The following RAD21L1 variants were observed in gnomAD, a reference collection of about 807,000 sequenced individuals.
RAD21L1 encodes RAD21 cohesin complex component like 1, also known as double-strand-break repair protein rad21-like protein 1.
A neutral mutation model predicts 69.0 loss-of-function variants in RAD21L1; 47 were observed. That is an observed-to-expected ratio of 0.68 (90% CI 0.54 to 0.87). The LOEUF (loss-of-function observed/expected upper bound fraction) is 0.87, where lower values mean the gene tolerates loss of function less well. Among genes scored for constraint, RAD21L1 ranks in the 40% least tolerant of loss-of-function variants. The pLI is 0.00. For missense variants in RAD21L1, 583 were observed against 647.6 expected (o/e 0.90, Z 1.08); for synonymous variants, 177 against 205.8 (o/e 0.86, Z 1.20).
intron 11 of RAD21L1, among the ~76,000 whole-genome samples, chr20:1,245,818 A>G (rs1231767708): frequency 6.6e-6 from 1 of 151,768 alleles, no homozygotes; most frequent in African/African-American, 2.4e-5. Flanking sequence ...CTTATTGCAG[A>G]TCTCTTTCCT....
rs770561491 is a variant in RAD21L1, at chr20:1,242,670, T to C, written c.908T>C (p.Ile303Thr). 1.7e-5 allele frequency: 26 copies of C among 1,551,510 alleles called. No homozygotes were observed. The highest frequency in any genetic ancestry group is 2.1e-5 in the Non-Finnish European group (24 of 1,146,910). Residue 303 changes from isoleucine to threonine, a missense_variant, in exon 9 of 14, where the codon ATC (isoleucine) becomes ACC (threonine). Transcript: ENST00000683101. ...GKKRRLLIDP[I>T]KELSSKVIHK... ...AAGAGGAGATTGCTCATAGATCCTATCAAGGAGCTCAGTAGCAAAGTTATA... is the reference window on the plus strand; with the variant it reads ...AAGAGGAGATTGCTCATAGATCCTACCAAGGAGCTCAGTAGCAAAGTTATA...
chr20:1,240,184 G>T, intron 7 of RAD21L1, 137 bp from the exon 8 acceptor site: 4 of 1,367,472 alleles, frequency 2.9e-6, no homozygotes, highest in Non-Finnish European at 1.9e-6. Context: ...TAAATAAATG[G>T]TTCTAAGAAT....
At position 1,229,889 on chromosome 20, in the gene RAD21L1, G is replaced by C; in HGVS notation, c.154G>C (p.Ala52Pro). ...EKILSPKVKIALRTSGHLLLG... is the reference protein window; with the variant it reads ...EKILSPKVKIPLRTSGHLLLG... ...CAAAAATTATTGAAAGGTGAAAATA[G>C]CACTTCGAACTTCAGGACACCTTCT... The change falls in exon 3 of 14, where the codon GCA becomes CCA. Residue 52 changes from alanine (A) to proline (P), a missense_variant. Physicochemically the swap from Ala to Pro is conservative, Grantham distance 27. Transcript: ENST00000683101. 6.5e-7 allele frequency: 1 copy of C among 1,547,202 alleles called. No homozygotes were observed.
rs1174195289 is a variant in RAD21L1, at chr20:1,254,532, T to G, written c.*75T>G. On this transcript the variant is annotated 3_prime_UTR_variant, in exon 14 of 14. Transcript: ENST00000683101. ...ATTGTTCAATTTAATGCAGAAGCCA[T>G]CTGGAAGCAGCTGAAGGTCTGATCC... The G allele has an allele frequency of 9.5e-7, 1 of 1,057,358 alleles. No individual in the cohort carries two copies. The highest frequency in any genetic ancestry group is 1.3e-6 in the Non-Finnish European group (1 of 774,096). The allele number at this position is 1,057,358 out of a possible 1,614,324, so 65.5% of individuals were successfully genotyped here. A position where few individuals can be genotyped will look rare whatever the true frequency, so the allele number is the denominator to read the frequency against.
rs532506223 is a variant in RAD21L1, at chr20:1,241,730, T to G, written c.857-889T>G. 2.0e-5 allele frequency among the ~76,000 whole-genome samples: 3 copies of G among 152,302 alleles called. No homozygotes were observed. The East Asian group carries it at 5.8e-4, about 29-fold the overall frequency. On this transcript the variant is annotated intron_variant, in intron 8 of 13. Transcript: ENST00000683101. ...ATCATCACATAGCCAACCTCTCCAGTATCTTGTCTTGTTCCTGGGATTTTA... is the reference window on the plus strand; with the variant it reads ...ATCATCACATAGCCAACCTCTCCAGGATCTTGTCTTGTTCCTGGGATTTTA...
At chr20:1,230,909 T>A (rs994521857) in intron 3 of RAD21L1, 18 of 174,630 alleles carry the variant, frequency 1.0e-4, no homozygotes, top group Non-Finnish European at 2.0e-4. Context: ...TCCTTTTCAG[T>A]CAGGTGAGGA....
At chr20:1,248,484 A>G (rs1165761259) in intron 12 of RAD21L1, 142 bp from the exon 13 acceptor site, 2 of 495,760 alleles carry the variant, frequency 4.0e-6, no homozygotes, top group Non-Finnish European at 7.2e-6. Flanking sequence ...CTTTTTATAA[A>G]TAATAAAGAT....
rs1460455948 is a variant in RAD21L1, at chr20:1,246,818, A to T, written c.1401+513A>T. ...ACATGTCAATAGCAAAGACAGAAGT[A>T]AAGTCTGATTTCCCTGACTCCCTGC... On this transcript the variant is annotated intron_variant, in intron 12 of 13. Transcript: ENST00000683101. The surrounding 1 kb of genome is among the most constrained non-coding windows in gnomAD (Gnocchi z 4.6). Among the ~76,000 whole-genome samples, 2 of 152,206 alleles carry T rather than the reference A, an allele frequency of 1.3e-5. No homozygotes were observed. Among genetic ancestry groups the T allele is most frequent in the African/African-American group, 4.8e-5 (2 of 41,468 alleles).
intron 11 of RAD21L1, 24 bp downstream of exon 11, chr20:1,244,194 A>G: frequency 6.8e-7 from 1 of 1,477,022 alleles, no homozygotes; most frequent in Non-Finnish European, 9.2e-7. Context: ...AGAGAATCGT[A>G]AAAATATTTT....
intron 7 of RAD21L1, 129 bp from the exon 8 acceptor site, chr20:1,240,192 A>G: frequency 2.9e-6 from 4 of 1,380,292 alleles, no homozygotes; most frequent in Non-Finnish European, 3.7e-6. Flanking sequence ...TGGTTCTAAG[A>G]ATTCAGATGT....
Position 1,246,114 on chromosome 20 carries a change from G to A in RAD21L1, c.1309-99G>A. 1.9e-6 allele frequency: 1 copy of A among 525,108 alleles called. No individual in the cohort carries two copies. The highest frequency in any genetic ancestry group is 3.3e-6 in the Non-Finnish European group (1 of 304,172). 32.5% of individuals were successfully genotyped at this position (525,108 alleles called of 1,614,324 possible). On this transcript the variant is annotated intron_variant, in intron 11 of 13. Transcript: ENST00000683101. The surrounding 1 kb of genome is among the most constrained non-coding windows in gnomAD (Gnocchi z 4.6). ...TGGGTAGTATTTTAAATTAGTTTGA[G>A]AAGTGAGCATTCATGTGATTAAAGC...
In RAD21L1 at chr20:1,239,380, C is replaced by T. The variant is rs1368671155; in HGVS notation, c.715C>T (p.Pro239Ser). The T allele has an allele frequency of 1.3e-6, 2 of 1,547,546 alleles. No homozygotes were observed. Among genetic ancestry groups the T allele is most frequent in the South Asian group, 1.2e-5 (1 of 83,932 alleles). Reference protein sequence around the residue: ...DMHLNREISLPSEPPNSLAVE... With the variant: ...DMHLNREISLSSEPPNSLAVE... ...GCATTTGAACAGAGAAATTTCCCTG[C>T]CTTCTGAGCCTCCCAATAGTTTAGC... Residue 239 changes from proline to serine, a missense_variant, in exon 7 of 14, where the codon CCT becomes TCT. Physicochemically the swap from Pro to Ser is moderately conservative, Grantham distance 74. Transcript: ENST00000683101.
intron 7 of RAD21L1, 83 bp from the exon 8 acceptor site, chr20:1,240,238 T>G (rs1167768232): frequency 7.1e-7 from 1 of 1,416,614 alleles, no homozygotes; most frequent in Admixed American, 3.4e-5. Flanking sequence ...TTAGTTTATC[T>G]TTATCTTTAA....
In RAD21L1 at chr20:1,229,520, A is replaced by C. The variant is rs563563259; in HGVS notation, c.145-360A>C. On this transcript the variant is annotated intron_variant, in intron 2 of 13. Coordinates refer to ENST00000683101, the MANE Select transcript of RAD21L1 (RefSeq NM_001384355.1). ...ACAGAGCGAGACTCCGTCTCCAAAA[A>C]AACAATAATAATAAAAAAATAAGCT... is the stretch of plus-strand genomic sequence containing the variant. 6.6e-5 allele frequency among the ~76,000 whole-genome samples: 10 copies of C among 152,348 alleles called. No homozygotes were observed. In the East Asian group the frequency reaches 1.9e-3, roughly 29 times the overall value.
In RAD21L1 at chr20:1,231,655, T is replaced by A. The variant is rs1347212131; in HGVS notation, c.368+36T>A. On this transcript the variant is annotated intron_variant, in intron 4 of 13. Coordinates refer to ENST00000683101, the MANE Select transcript of RAD21L1 (RefSeq NM_001384355.1). Reference sequence around the variant, plus strand: ...TTATTTATTTTCCTTCGATTTAATTTTCTTGATATTTGTTTTTATATTCAA... The same window carrying A: ...TTATTTATTTTCCTTCGATTTAATTATCTTGATATTTGTTTTTATATTCAA... 5.7e-6 allele frequency: 6 copies of A among 1,060,388 alleles called. No individual in the cohort carries two copies. The South Asian group carries it at 5.9e-5, about 10-fold the overall frequency. The allele number at this position is 1,060,388 out of a possible 1,614,324, so 65.7% of individuals were successfully genotyped here. A position where few individuals can be genotyped will look rare whatever the true frequency, so the allele number is the denominator to read the frequency against.
At chr20:1,238,919 G>A (rs1356486008) in intron 6 of RAD21L1, among the ~76,000 whole-genome samples, 1 of 152,112 alleles carries the variant, frequency 6.6e-6, no homozygotes. Context: ...TGCCACCTGG[G>A]TTCAAGTGAT....
chr20:1,249,849 TTTTTTTTCTTTTTTTTATTA>T (rs2087790564), intron 13 of RAD21L1, among the ~76,000 whole-genome samples: 1 of 152,120 alleles, frequency 6.6e-6, no homozygotes, highest in African/African-American at 2.4e-5. Context: ...CATTACCTCA[TTTTTTTTCTTTTTTTTATTA>T]TTATACTTTA....
rs2087917604 is a variant in RAD21L1 at position 1,255,523 on chromosome 20, T to C, written c.*1066T>C. Among the ~76,000 whole-genome samples the C allele has an allele frequency of 6.6e-6, 1 of 152,216 alleles. No homozygotes were observed. The highest frequency in any genetic ancestry group is 1.5e-5 in the Non-Finnish European group (1 of 68,032). ...AACAACAAATTCTAAATAGCCTCTC[T>C]AAATGTGTTAACTATAAATTTTAAA... On this transcript the variant is annotated 3_prime_UTR_variant, in exon 14 of 14. Coordinates refer to ENST00000683101, the MANE Select transcript of RAD21L1 (RefSeq NM_001384355.1).
At chr20:1,239,180 A>C in intron 6 of RAD21L1, 132 bp from the exon 7 acceptor site, 1 of 587,604 alleles carries the variant, frequency 1.7e-6, no homozygotes, top group South Asian at 2.3e-5. Context: ...ATCTTTTTTA[A>C]AATTCTCTAG....
Sources: allele counts gnomAD v4.1 joint callset (sites outside exome capture counted in the v4.1 genomes callset), GRCh38; gene constraint gnomAD v4.1.1; non-coding constraint Gnocchi (gnomAD v3.1); transcripts MANE v1.5; gene names NCBI Gene and HGNC (gene_info 2026-07-23, HGNC 2026-07-21).